The following NLGN1 variants were observed in gnomAD, a reference collection of about 807,000 sequenced individuals.
NLGN1 encodes neuroligin 1.
A neutral mutation model predicts 65.5 loss-of-function variants in NLGN1; 12 were observed. The observed-to-expected ratio is 0.18, with a 90% CI of 0.12 to 0.30. The LOEUF is 0.30. NLGN1 is among the 10% of genes least tolerant of loss of function. The pLI, the probability that NLGN1 is intolerant of heterozygous loss-of-function variation, is 1.00. For missense variants in NLGN1, 750 were observed against 1,007.1 expected (o/e 0.74, Z 3.46); for synonymous variants, 350 against 359.5 (o/e 0.97, Z 0.30).
intron 4 of NLGN1, among the ~76,000 whole-genome samples, chr3:174,170,921 G>A (rs886145380): frequency 1.3e-5 from 2 of 152,098 alleles, no homozygotes; most frequent in African/African-American, 4.8e-5. Context: ...AATTATCGCT[G>A]AACTTGAATG....
At chr3:174,125,360 T>C (rs1460834749) in intron 4 of NLGN1, among the ~76,000 whole-genome samples, 1 of 152,022 alleles carries the variant, frequency 6.6e-6, no homozygotes, top group African/African-American at 2.4e-5. Flanking sequence ...TAAGAGGAAG[T>C]CATAAAAAGA....
At chr3:173,909,743 G>A (rs1023047943) in intron 4 of NLGN1, among the ~76,000 whole-genome samples, 2 of 152,110 alleles carry the variant, frequency 1.3e-5, no homozygotes, top group African/African-American at 2.4e-5. Flanking sequence ...GCAATGGCAT[G>A]ATCTCGGCTA....
At chr3:173,639,374 G>T (rs917082553) in intron 3 of NLGN1, among the ~76,000 whole-genome samples, 1 of 152,146 alleles carries the variant, frequency 6.6e-6, no homozygotes, top group African/African-American at 2.4e-5. Flanking sequence ...CTGGCAGCAA[G>T]CAAGCTGTTG....
At chr3:173,936,949 A>G (rs1282860071) in intron 4 of NLGN1, among the ~76,000 whole-genome samples, 1 of 152,132 alleles carries the variant, frequency 6.6e-6, no homozygotes, top group African/African-American at 2.4e-5. Flanking sequence ...TTCCTTAACT[A>G]AAGTAGCATG....
chr3:173,568,207 C>A (rs926063857), intron 2 of NLGN1, among the ~76,000 whole-genome samples: 28 of 148,562 alleles, frequency 1.9e-4, no homozygotes, highest in African/African-American at 6.7e-4. Context: ...TCTTTCCTTT[C>A]CTTTCCTTTT....
intron 3 of NLGN1, among the ~76,000 whole-genome samples, chr3:173,692,794 ATCC>A (rs1438466801): frequency 6.6e-6 from 1 of 152,082 alleles, no homozygotes. Context: ...ATTACCTCTA[ATCC>A]TCAGAATACA....
intron 1 of NLGN1, among the ~76,000 whole-genome samples, chr3:173,407,871 C>T (rs1711595239): frequency 6.6e-6 from 1 of 152,310 alleles, no homozygotes; most frequent in Non-Finnish European, 1.5e-5. Flanking sequence ...AACAATTATA[C>T]ATTTATTTTG....
chr3:173,577,895 A>T (rs1745765877), intron 2 of NLGN1, among the ~76,000 whole-genome samples: 1 of 152,208 alleles, frequency 6.6e-6, no homozygotes, highest in African/African-American at 2.4e-5. Flanking sequence ...AGACAGATAG[A>T]TAGAGACAGA....
intron 4 of NLGN1, among the ~76,000 whole-genome samples, chr3:173,918,917 C>T (rs1032843316): frequency 1.3e-5 from 2 of 151,990 alleles, no homozygotes; most frequent in East Asian, 3.9e-4. Flanking sequence ...CTTGCCTTTT[C>T]TATCTTCTAG....
intron 4 of NLGN1, among the ~76,000 whole-genome samples, chr3:173,853,933 A>G (rs1169895223): frequency 6.6e-6 from 1 of 151,964 alleles, no homozygotes; most frequent in Admixed American, 6.6e-5. Flanking sequence ...GATAGTGATC[A>G]GTCTTGTTTT....
chr3:173,685,938 C>A (rs79165638), intron 3 of NLGN1: 1 of 411,920 alleles, frequency 2.4e-6, no homozygotes. Context: ...TGTGGGAGTA[C>A]GTGGACTATA....
chr3:173,932,736 A>G (rs1170893163), intron 4 of NLGN1, among the ~76,000 whole-genome samples: 2 of 152,118 alleles, frequency 1.3e-5, no homozygotes, highest in African/African-American at 4.8e-5. Flanking sequence ...CTTAGAGGCT[A>G]AAGAGAATTA....
At chr3:173,797,306 T>C (rs1478212150) in intron 3 of NLGN1, among the ~76,000 whole-genome samples, 1 of 152,102 alleles carries the variant, frequency 6.6e-6, no homozygotes, top group East Asian at 1.9e-4. Flanking sequence ...ACCCTCTTCT[T>C]CCTAGGGAAC....
At chr3:173,468,475 A>C (rs1724752574) in intron 2 of NLGN1, among the ~76,000 whole-genome samples, 1 of 152,082 alleles carries the variant, frequency 6.6e-6, no homozygotes, top group South Asian at 2.1e-4. Flanking sequence ...TCTCTGGCCC[A>C]TTACTATGTT....
chr3:173,996,476 C>G (rs1313277256), intron 4 of NLGN1, among the ~76,000 whole-genome samples: 1 of 152,054 alleles, frequency 6.6e-6, no homozygotes, highest in African/African-American at 2.4e-5. Flanking sequence ...TAGTCCTGGA[C>G]CACAATTTGA....
intron 3 of NLGN1, among the ~76,000 whole-genome samples, chr3:173,642,034 C>CTCTCTT (rs1188693614): frequency 1.3e-4 from 19 of 151,958 alleles, no homozygotes; most frequent in Non-Finnish European, 2.6e-4. Context: ...CTCTCTCTCT[C>CTCTCTT]TCTCTTTCTC....
chr3:174,203,202 A>G (rs1734804795), intron 4 of NLGN1, among the ~76,000 whole-genome samples: 1 of 152,138 alleles, frequency 6.6e-6, no homozygotes, highest in African/African-American at 2.4e-5. Context: ...TGCTTCAATG[A>G]TCTAGACAAG....
At chr3:174,201,167 G>A (rs569890739) in intron 4 of NLGN1, among the ~76,000 whole-genome samples, 18 of 152,002 alleles carry the variant, frequency 1.2e-4, no homozygotes, top group Admixed American at 7.2e-4. Context: ...GAACCCAGGA[G>A]GGGAGGCTGA....
At chr3:174,218,060 T>C (rs1737954886) in intron 4 of NLGN1, among the ~76,000 whole-genome samples, 1 of 152,092 alleles carries the variant, frequency 6.6e-6, no homozygotes, top group Non-Finnish European at 1.5e-5. Flanking sequence ...TTTTATGGCT[T>C]ATACCAGCTT....
Sources: allele counts gnomAD v4.1 joint callset (sites outside exome capture counted in the v4.1 genomes callset), GRCh38; gene constraint gnomAD v4.1.1; transcripts MANE v1.5; gene names NCBI Gene and HGNC (gene_info 2026-07-23, HGNC 2026-07-21).